The following CELA3A variants were observed in gnomAD, a reference collection of about 807,000 sequenced individuals.
CELA3A encodes chymotrypsin like elastase 3A, also known as chymotrypsin-like elastase family member 3A.
A neutral mutation model predicts 38.6 loss-of-function variants in CELA3A; 35 were observed. The observed-to-expected ratio is 0.91, with a 90% CI of 0.69 to 1.20. CELA3A has a LOEUF of 1.20. CELA3A is among the 50% of genes most tolerant of loss of function. The pLI, the probability that CELA3A is intolerant of heterozygous loss-of-function variation, is 0.00. For synonymous variants in CELA3A, 143 were observed against 136.7 expected, an observed-to-expected ratio of 1.05 and a Z score of -0.32; for missense variants, 343 against 354.2, an observed-to-expected ratio of 0.97 and a Z score of 0.25.
chr1:22,002,648 C>T (rs1372847257), intron 1 of CELA3A: 1 of 441,194 alleles, frequency 2.3e-6, no homozygotes, highest in Non-Finnish European at 4.5e-6. Flanking sequence ...CAGCCCAGAG[C>T]TGCACTTTGA....
At chr1:22,009,037 T>C (rs1289335868) in intron 6 of CELA3A, among the ~76,000 whole-genome samples, 1 of 151,604 alleles carries the variant, frequency 6.6e-6, no homozygotes, top group Non-Finnish European at 1.5e-5. Context: ...GTCAGGACTT[T>C]GAGACTAACC....
Position 22,010,173 on chromosome 1 carries a change from T to A in CELA3A, c.795+316T>A, listed in dbSNP as rs557647538. ...GAGACATGCCAGACAAGAGGCTGCC[T>A]GGTGGGGGACAGGTGATTACATGAA... On this transcript the variant is annotated intron_variant, in intron 7 of 7. Transcript: ENST00000290122. 7.3e-5 allele frequency: 29 copies of A among 398,034 alleles called. 1 individual carries two copies. The East Asian group carries it at 1.9e-3, about 26-fold the overall frequency. 24.7% of individuals were successfully genotyped at this position (398,034 alleles called of 1,614,324 possible).
chr1:22,010,933 A>G (rs1398941627), intron 7 of CELA3A: 1 of 149,830 alleles, frequency 6.7e-6, no homozygotes, highest in Non-Finnish European at 1.5e-5. Context: ...GCAACACAGC[A>G]AGAGCCTCTC....
chr1:22,006,101 G>T (rs1644948595), intron 4 of CELA3A: 3 of 380,276 alleles, frequency 7.9e-6, no homozygotes, highest in South Asian at 9.1e-5. Context: ...GGTTCCTCTG[G>T]CATCCTTCCC....
intron 2 of CELA3A, among the ~76,000 whole-genome samples, chr1:22,003,851 C>T (rs1307742498): frequency 1.9e-4 from 28 of 150,150 alleles, no homozygotes; most frequent in Admixed American, 7.3e-4. Context: ...ATTACAGGCA[C>T]GCGCCACCAA....
At chr1:22,006,573 T>C (rs1184804102) in intron 4 of CELA3A, among the ~76,000 whole-genome samples, 1 of 149,768 alleles carries the variant, frequency 6.7e-6, no homozygotes, top group African/African-American at 2.5e-5. Context: ...TTAAGAACGA[T>C]TTGGGCCAGG....
Position 22,003,669 on chromosome 1 carries a change from G to C in CELA3A, c.129+581G>C, listed in dbSNP as rs1034978777. Reference sequence around the variant, plus strand: ...GCACTCCAGCCCCGGGCAACAGAGTGAGACTCTGTCTCAAAAAAAAAAATT... The same window carrying C: ...GCACTCCAGCCCCGGGCAACAGAGTCAGACTCTGTCTCAAAAAAAAAAATT... On this transcript the variant is annotated intron_variant, in intron 2 of 7. Transcript: ENST00000290122. Among the ~76,000 whole-genome samples the C allele has an allele frequency of 4.0e-5, 6 of 149,710 alleles. 1 individual carries two copies. The highest frequency in any genetic ancestry group is 1.5e-4 in the African/African-American group (6 of 39,896).
rs1327812350 is a variant in CELA3A at position 22,008,159 on chromosome 1, T to TTTTTTTTTTTG, written c.642+653_642+654insTGTTTTTTTTT. Among the ~76,000 whole-genome samples, 372 of 135,798 alleles carry TTTTTTTTTTTG rather than the reference T, an allele frequency of 2.7e-3. 5 individuals are homozygous for TTTTTTTTTTTG. The highest frequency in any genetic ancestry group is 0.019 in the Middle Eastern group (5 of 264). 89.1% of individuals were successfully genotyped at this position (135,798 alleles called of 152,430 possible). A position where few individuals can be genotyped will look rare whatever the true frequency, so the allele number is the denominator to read the frequency against. ...CACAGCAAGACGTTGTCTCTTTTTTTTTTTTTTTTGAGACAGGATCTTGCT... is the reference window on the plus strand; with the variant it reads ...CACAGCAAGACGTTGTCTCTTTTTTTTTTTTTTTTTGTTTTTTTTTGAGACAGGATCTTGCT... On this transcript the variant is annotated intron_variant, in intron 6 of 7. Coordinates refer to ENST00000290122, the MANE Select transcript of CELA3A (RefSeq NM_005747.5).
chr1:22,008,760 G>GAA lies in CELA3A; in HGVS notation c.643-934_643-933dup, dbSNP rs34410812. Among the ~76,000 whole-genome samples, 125 of 145,526 alleles carry GAA rather than the reference G, an allele frequency of 8.6e-4. 2 individuals carry two copies. The highest frequency in any genetic ancestry group is 3.0e-3 in the African/African-American group (118 of 39,164). ...GGTGACAGAGCGAGACGCTGACTCA[G>GAA]AAAAAAAAAAAATACTATCAAATAC... On this transcript the variant is annotated intron_variant, in intron 6 of 7. Coordinates refer to ENST00000290122, the MANE Select transcript of CELA3A (RefSeq NM_005747.5).
In CELA3A at chr1:22,001,725, C is replaced by A. The variant is rs371183311; in HGVS notation, c.43+8C>A. 1.2e-6 allele frequency: 2 copies of A among 1,612,006 alleles called. No homozygotes were observed. Among genetic ancestry groups the A allele is most frequent in the African/African-American group, 2.7e-5 (2 of 74,058 alleles). Reference sequence around the variant, plus strand: ...TCCTCCTTGTGGCCGTTGGTAAGACCCCAACCTGTCTGTGTGCTCCCTGGG... The same window carrying A: ...TCCTCCTTGTGGCCGTTGGTAAGACACCAACCTGTCTGTGTGCTCCCTGGG... On this transcript the variant is annotated splice_region_variant and intron_variant, in intron 1 of 7. Coordinates refer to ENST00000290122, the MANE Select transcript of CELA3A (RefSeq NM_005747.5).
At chr1:22,005,091 A>T (rs1644941300) in intron 2 of CELA3A, among the ~76,000 whole-genome samples, 1 of 147,622 alleles carries the variant, frequency 6.8e-6, no homozygotes, top group African/African-American at 2.6e-5. Flanking sequence ...CAAGAGCAAA[A>T]CTCCATCTCA....
At chr1:22,008,960 G>A (rs1448028554) in intron 6 of CELA3A, among the ~76,000 whole-genome samples, 2 of 151,504 alleles carry the variant, frequency 1.3e-5, no homozygotes, top group African/African-American at 4.9e-5. Flanking sequence ...AAATGAGTCA[G>A]CTGGCTGGGC....
intron 6 of CELA3A, among the ~76,000 whole-genome samples, chr1:22,009,273 AG>A (rs1373880096): frequency 1.3e-5 from 2 of 151,468 alleles, no homozygotes; most frequent in African/African-American, 4.9e-5. Flanking sequence ...CTGAGGCAGG[AG>A]AATGGCGTGA....
chr1:22,008,322 T>A (rs1394716510), intron 6 of CELA3A, among the ~76,000 whole-genome samples: 6 of 150,414 alleles, frequency 4.0e-5, no homozygotes, highest in South Asian at 2.1e-4. Context: ...AGCTAATTTT[T>A]AAATTTTTTG....
intron 7 of CELA3A, among the ~76,000 whole-genome samples, chr1:22,011,780 C>T (rs1414120638): frequency 4.8e-5 from 6 of 123,872 alleles, no homozygotes; most frequent in South Asian, 2.5e-4. Context: ...AAAGGCCGGG[C>T]GTGGTGGCTC....
chr1:22,011,242 G>A (rs61778026), intron 7 of CELA3A, among the ~76,000 whole-genome samples: 6,582 of 99,974 alleles, frequency 0.066, no homozygotes, highest in Middle Eastern at 0.11. Flanking sequence ...TTAGCCGGGC[G>A]TATTGGTGCA....
Position 22,005,444 on chromosome 1 carries a change from C to T in CELA3A, c.130-3C>T. On this transcript the variant is annotated splice_polypyrimidine_tract_variant and splice_region_variant and intron_variant, in intron 2 of 7. Coordinates refer to ENST00000290122, the MANE Select transcript of CELA3A (RefSeq NM_005747.5). Reference sequence around the variant, plus strand: ...CTGAGGCCCTTTCCTCCTGGGCCACCAGGTTTCCCTGCAGTATGAGAAAAG... The same window carrying T: ...CTGAGGCCCTTTCCTCCTGGGCCACTAGGTTTCCCTGCAGTATGAGAAAAG... 3 of 1,612,240 alleles carry T rather than the reference C, an allele frequency of 1.9e-6. No individual in the cohort carries two copies. The highest frequency in any genetic ancestry group is 2.5e-6 in the Non-Finnish European group (3 of 1,179,630).
At chr1:22,005,337 A>C (rs187231872) in intron 2 of CELA3A, 110 bp from the exon 3 acceptor site, 1 of 1,287,726 alleles carries the variant, frequency 7.8e-7, no homozygotes, top group Non-Finnish European at 1.1e-6. Flanking sequence ...CTCGTTTTCC[A>C]TGTGAATGGC....
rs376098877 is a variant in CELA3A, at chr1:22,002,980, G to A, written c.44-23G>A. On this transcript the variant is annotated intron_variant, in intron 1 of 7. Coordinates refer to ENST00000290122, the MANE Select transcript of CELA3A (RefSeq NM_005747.5). ...GCTTTTGGGGACCCTCCAGCTGATTGACAGCTCTCCTCTCCCCTCTAGCCT... is the reference window on the plus strand; with the variant it reads ...GCTTTTGGGGACCCTCCAGCTGATTAACAGCTCTCCTCTCCCCTCTAGCCT... 2.7e-4 allele frequency: 432 copies of A among 1,575,610 alleles called. 16 individuals are homozygous for A. The highest frequency in any genetic ancestry group is 3.5e-4 in the Non-Finnish European group (402 of 1,161,426).
Sources: allele counts gnomAD v4.1 joint callset (sites outside exome capture counted in the v4.1 genomes callset), GRCh38; gene constraint gnomAD v4.1.1; transcripts MANE v1.5; gene names NCBI Gene and HGNC (gene_info 2026-07-23, HGNC 2026-07-21).